The following CSMD1 variants were observed in gnomAD, a reference collection of about 807,000 sequenced individuals.
CSMD1 encodes the protein CUB and Sushi multiple domains 1.
CSMD1 carries 213 observed loss-of-function variants against 417.5 expected under a neutral mutation model. That is an observed-to-expected ratio of 0.51 (90% CI 0.46 to 0.57). The LOEUF (loss-of-function observed/expected upper bound fraction) is 0.57. Ranked by LOEUF, CSMD1 falls within the 20% of genes least tolerant of loss-of-function variation. The probability of loss-of-function intolerance (pLI) is 0.00; values close to 1 mark genes in which losing one functional copy is unlikely to be tolerated. For synonymous variants in CSMD1, 2,862 were observed against 1,736.8 expected (o/e 1.65, Z -16.11); for missense variants, 6,923 against 4,529.7 (o/e 1.53, Z -15.17).
intron 42 of CSMD1, among the ~76,000 whole-genome samples, chr8:3,112,464 T>C (rs1259946814): frequency 2.0e-5 from 3 of 152,226 alleles, no homozygotes; most frequent in African/African-American, 7.2e-5. Context: ...GTGGTGATTT[T>C]CTTGGTAGAA....
intron 2 of CSMD1, among the ~76,000 whole-genome samples, chr8:4,455,660 G>A (rs34078610): frequency 6.6e-6 from 1 of 151,694 alleles, no homozygotes; most frequent in African/African-American, 2.4e-5. Flanking sequence ...GCCAGATACA[G>A]TGGCTCACCC....
intron 5 of CSMD1, among the ~76,000 whole-genome samples, chr8:3,886,617 A>G (rs1806581594): frequency 6.6e-6 from 1 of 152,150 alleles, no homozygotes; most frequent in Non-Finnish European, 1.5e-5. Context: ...GATTTGGCCC[A>G]TAGGCTGCAG....
rs1563342289 is a variant in CSMD1 at position 3,394,020 on chromosome 8, A to AAAT, written c.2593+2173_2593+2174insATT. On this transcript the variant is annotated intron_variant, in intron 17 of 69. Transcript: ENST00000635120. ...AATAATAAAAAAATAAATTATATATATATATATATATATATATATATATAT... is the reference window on the plus strand; with the variant it reads ...AATAATAAAAAAATAAATTATATATAAATTATATATATATATATATATATATAT... Among the ~76,000 whole-genome samples, 50 of 52,084 alleles carry AAAT rather than the reference A, an allele frequency of 9.6e-4. 2 individuals carry two copies. In the South Asian group the frequency reaches 0.026, roughly 27 times the overall value. The allele number at this position is 52,084 out of a possible 152,430, so 34.2% of individuals were successfully genotyped here.
intron 4 of CSMD1, among the ~76,000 whole-genome samples, chr8:4,001,748 G>A (rs1815690387): frequency 6.6e-6 from 1 of 152,178 alleles, no homozygotes; most frequent in Admixed American, 6.5e-5. Context: ...TAGGCTCACT[G>A]AATCCAGGTA....
chr8:3,835,550 G>A (rs367994151), intron 5 of CSMD1, among the ~76,000 whole-genome samples: 51 of 152,078 alleles, frequency 3.4e-4, no homozygotes, highest in Non-Finnish European at 5.6e-4. Flanking sequence ...AGGGAACATC[G>A]CACCTCAGGG....
intron 10 of CSMD1, among the ~76,000 whole-genome samples, chr8:3,501,806 A>G (rs1391599775): frequency 2.6e-5 from 4 of 152,272 alleles, no homozygotes; most frequent in Non-Finnish European, 5.9e-5. Context: ...ATATTATCAA[A>G]TAATTTTACT....
At chr8:4,087,829 C>G (rs1402547374) in intron 3 of CSMD1, among the ~76,000 whole-genome samples, 1 of 152,092 alleles carries the variant, frequency 6.6e-6, no homozygotes, top group Admixed American at 6.5e-5. Flanking sequence ...CCCTTTGTCA[C>G]CTAGCATAAT....
chr8:4,127,666 C>T (rs977316462), intron 3 of CSMD1, among the ~76,000 whole-genome samples: 2 of 151,974 alleles, frequency 1.3e-5, no homozygotes, highest in Admixed American at 6.6e-5. Context: ...ACTTAGACTA[C>T]TTATAAGGAA....
chr8:3,633,420 T>G (rs1796878837), intron 7 of CSMD1, among the ~76,000 whole-genome samples: 1 of 152,178 alleles, frequency 6.6e-6, no homozygotes, highest in Non-Finnish European at 1.5e-5. Flanking sequence ...CAGTGAATGG[T>G]TGCTACTCCC....
chr8:3,591,564 C>T (rs1021183058), intron 8 of CSMD1, among the ~76,000 whole-genome samples: 44 of 152,110 alleles, frequency 2.9e-4, no homozygotes, highest in African/African-American at 7.5e-4. Flanking sequence ...CTTAGCTGTC[C>T]GCTGTTTACC....
At chr8:4,353,733 G>C (rs1400073051) in intron 3 of CSMD1, among the ~76,000 whole-genome samples, 4 of 146,474 alleles carry the variant, frequency 2.7e-5, no homozygotes, top group South Asian at 4.3e-4. Flanking sequence ...GTTTTTGTTG[G>C]GGTTCATGGA....
rs553945505 is a variant in CSMD1, at chr8:3,384,579, C to A, written c.2782+2915G>T. Among the ~76,000 whole-genome samples, 16 of 148,518 alleles carry A rather than the reference C, an allele frequency of 1.1e-4. 1 individual carries two copies. In the South Asian group the frequency reaches 3.2e-3, roughly 29 times the overall value. On this transcript the variant is annotated intron_variant, in intron 18 of 69. Transcript: ENST00000635120. ...TATTCTCAAAAATATATTTCGTATC[C>A]ATTTGGAGCATTTCTTTTCCAAATT...
Position 3,929,062 on chromosome 8 carries a change from G to A in CSMD1, c.818+68841C>T, listed in dbSNP as rs542657555. Reference sequence around the variant, plus strand: ...TCAGCATTGCCATCTACTAATTGCAGAAAATTAAAAGCACAGAGAATAAAG... The same window carrying A: ...TCAGCATTGCCATCTACTAATTGCAAAAAATTAAAAGCACAGAGAATAAAG... On this transcript the variant is annotated intron_variant, in intron 5 of 69. Transcript: ENST00000635120. Among the ~76,000 whole-genome samples, 24 of 150,302 alleles carry A rather than the reference G, an allele frequency of 1.6e-4. 2 individuals carry two copies. The highest frequency in any genetic ancestry group is 3.4e-4 in the Non-Finnish European group (23 of 67,496).
chr8:3,842,160 T>C, intron 5 of CSMD1, among the ~76,000 whole-genome samples: 1 of 152,214 alleles, frequency 6.6e-6, no homozygotes, highest in East Asian at 1.9e-4. Context: ...ACCTCAGGTT[T>C]TCTTAAAAAC....
chr8:4,617,924 C>T (rs984299129), intron 2 of CSMD1, among the ~76,000 whole-genome samples: 2 of 152,160 alleles, frequency 1.3e-5, no homozygotes, highest in South Asian at 4.1e-4. Context: ...TATGCAATAA[C>T]ACTTGTTAAT....
chr8:4,074,003 A>G (rs1799694249), intron 3 of CSMD1, among the ~76,000 whole-genome samples: 1 of 152,116 alleles, frequency 6.6e-6, no homozygotes, highest in African/African-American at 2.4e-5. Context: ...AGCTTTAATG[A>G]CTTCAAAGAA....
At chr8:4,134,560 T>C (rs1024179740) in intron 3 of CSMD1, among the ~76,000 whole-genome samples, 2 of 152,204 alleles carry the variant, frequency 1.3e-5, no homozygotes, top group African/African-American at 4.8e-5. Context: ...CTGTGGCACA[T>C]TGTTATGGCA....
intron 3 of CSMD1, among the ~76,000 whole-genome samples, chr8:4,402,604 T>G (rs972092409): frequency 2.0e-5 from 3 of 152,130 alleles, no homozygotes; most frequent in Non-Finnish European, 4.4e-5. Flanking sequence ...AATATTACAT[T>G]ACTGCTCCCC....
At chr8:4,797,825 G>A (rs117993930) in intron 1 of CSMD1, among the ~76,000 whole-genome samples, 2 of 152,116 alleles carry the variant, frequency 1.3e-5, no homozygotes, top group Admixed American at 6.5e-5. Context: ...AACAAAAAAT[G>A]TATAATTATC....
Sources: gnomAD v4.1 joint callset for allele counts (sites outside exome capture counted in the v4.1 genomes callset) on GRCh38, gnomAD v4.1.1 for gene constraint, MANE v1.5 for transcripts, NCBI Gene and HGNC (gene_info 2026-07-23, HGNC 2026-07-21) for gene names.